The following SYNJ1 variants were observed in gnomAD, a reference collection of about 807,000 sequenced individuals.
The protein encoded by SYNJ1 is synaptojanin 1.
Under a neutral mutation model 168.2 loss-of-function variants are expected in SYNJ1, and 78 were observed. The ratio of observed to expected loss-of-function variants is 0.46; its 90% CI spans 0.39 to 0.56. The LOEUF is 0.56. Among genes scored for constraint, SYNJ1 ranks in the 20% least tolerant of loss-of-function variants. The probability of loss-of-function intolerance (pLI) is 0.00; values close to 1 mark genes in which losing one functional copy is unlikely to be tolerated. For synonymous variants in SYNJ1, 539 were observed against 548.6 expected (o/e 0.98, Z 0.24); for missense variants, 1,303 against 1,597.6 (o/e 0.82, Z 3.14).
At position 32,631,498 on chromosome 21, in the gene SYNJ1, T is replaced by C. The variant is rs758480958; in HGVS notation, c.*307A>G. 3 of 1,613,974 alleles carry C rather than the reference T, an allele frequency of 1.9e-6. No individual in the cohort carries two copies. Among genetic ancestry groups the C allele is most frequent in the African/African-American group, 2.7e-5 (2 of 74,930 alleles). ...TTTCCAGGAGCAGCAGTCCTGTCAC[T>C]GAAAGGATTTGTCCTGGTCAAGCCA... is the stretch of plus-strand genomic sequence containing the variant. On this transcript the variant is annotated 3_prime_UTR_variant, in exon 33 of 33. Coordinates refer to ENST00000674351, the MANE Select transcript of SYNJ1 (RefSeq NM_203446.3).
chr21:32,679,306 T>G (rs2041533743), intron 11 of SYNJ1, among the ~76,000 whole-genome samples: 1 of 152,130 alleles, frequency 6.6e-6, no homozygotes, highest in Non-Finnish European at 1.5e-5. Context: ...AAATTAAAAC[T>G]AAACCTAAGA....
At chr21:32,638,001 G>C (rs756832997) in intron 31 of SYNJ1, among the ~76,000 whole-genome samples, 5 of 152,174 alleles carry the variant, frequency 3.3e-5, no homozygotes, top group Non-Finnish European at 5.9e-5. Flanking sequence ...GTGTTAAAGG[G>C]ACATTGCCAA....
intron 2 of SYNJ1, among the ~76,000 whole-genome samples, chr21:32,718,814 ATTAATATG>A (rs1330530551): frequency 1.3e-5 from 2 of 152,210 alleles, no homozygotes; most frequent in African/African-American, 4.8e-5. Context: ...CCTCTAATAT[ATTAATATG>A]TTAATAGTTT....
rs1172549989 is a variant in SYNJ1 at position 32,629,313 on chromosome 21, T to G, written c.*2492A>C. 1 of 152,674 alleles carries G rather than the reference T, an allele frequency of 6.5e-6. No individual in the cohort carries two copies. Among genetic ancestry groups the G allele is most frequent in the Non-Finnish European group, 1.5e-5 (1 of 68,040 alleles). The allele number at this position is 152,674 out of a possible 1,614,324, so 9.5% of individuals were successfully genotyped here. On this transcript the variant is annotated 3_prime_UTR_variant, in exon 33 of 33. Coordinates refer to ENST00000674351, the MANE Select transcript of SYNJ1 (RefSeq NM_203446.3). ...ATTTTGAAGCAACTGCTTATAGTAA[T>G]ACTGCTGTTTAAGACGCTACTGCTG...
chr21:32,727,462 C>T (rs2043516089), intron 1 of SYNJ1, among the ~76,000 whole-genome samples: 1 of 152,186 alleles, frequency 6.6e-6, no homozygotes, highest in African/African-American at 2.4e-5. Context: ...CACAGGTTAC[C>T]GCCGCCTCTC....
At chr21:32,699,530 GGAGT>G in intron 4 of SYNJ1, among the ~76,000 whole-genome samples, 1 of 152,238 alleles carries the variant, frequency 6.6e-6, no homozygotes, top group East Asian at 1.9e-4. Context: ...GTTCGACCAC[GGAGT>G]GAGTACTGAG....
chr21:32,701,012 T>C (rs758580024), intron 3 of SYNJ1, among the ~76,000 whole-genome samples: 1 of 152,194 alleles, frequency 6.6e-6, no homozygotes, highest in Admixed American at 6.5e-5. Context: ...CTGACACAGG[T>C]AGAAGCGGCC....
chr21:32,671,824 G>A (rs760420451), intron 14 of SYNJ1, among the ~76,000 whole-genome samples: 3 of 152,056 alleles, frequency 2.0e-5, no homozygotes, highest in African/African-American at 7.2e-5. Context: ...TTGGGAAGCC[G>A]AGGCGGGTGG....
chr21:32,704,665 G>A (rs1488486297), intron 2 of SYNJ1, among the ~76,000 whole-genome samples: 3 of 152,170 alleles, frequency 2.0e-5, no homozygotes, highest in Non-Finnish European at 4.4e-5. Flanking sequence ...TGAGAGGGAT[G>A]GGAAAGGCAG....
chr21:32,718,312 AG>A (rs1249078861), intron 2 of SYNJ1, among the ~76,000 whole-genome samples: 1 of 152,222 alleles, frequency 6.6e-6, no homozygotes, highest in Non-Finnish European at 1.5e-5. Flanking sequence ...GTTTGACCCT[AG>A]GTCAATCCTA....
intron 31 of SYNJ1, among the ~76,000 whole-genome samples, chr21:32,636,965 C>T (rs2039594786): frequency 6.6e-6 from 1 of 151,992 alleles, no homozygotes; most frequent in Non-Finnish European, 1.5e-5. Flanking sequence ...AGCATGTGCC[C>T]GTCGGCCACC....
chr21:32,676,251 G>T, intron 13 of SYNJ1, 81 bp downstream of exon 13: 3 of 1,124,414 alleles, frequency 2.7e-6, no homozygotes, highest in South Asian at 3.4e-5. Flanking sequence ...CAATTATATG[G>T]CTTTATTTGT....
Position 32,646,484 on chromosome 21 carries a change from C to T in SYNJ1, c.3156G>A (p.Gln1052=). ...CAGGACCCTCTGATATTGTAGGTGACTGGCAGGGACTAGTTCGGGGTGAAG... is the reference window on the plus strand; with the variant it reads ...CAGGACCCTCTGATATTGTAGGTGATTGGCAGGGACTAGTTCGGGGTGAAG... ...PSSSPRTSPC[Q]SPTISEGPVP... The change falls in exon 24 of 33, where the codon CAG becomes CAA. Residue 1052 remains glutamine, a synonymous_variant. Transcript: ENST00000674351. 6.2e-7 allele frequency: 1 copy of T among 1,614,150 alleles called. No homozygotes were observed. The highest frequency in any genetic ancestry group is 8.5e-7 in the Non-Finnish European group (1 of 1,180,026).
chr21:32,688,377 G>A lies in SYNJ1; in HGVS notation c.790-10C>T. ...CACGATGAGATCCCACCTTAGACAA[G>A]AAAAATATATTTAATCAAACCAAAA... On this transcript the variant is annotated splice_polypyrimidine_tract_variant and intron_variant, in intron 6 of 32. Coordinates refer to ENST00000674351, the MANE Select transcript of SYNJ1 (RefSeq NM_203446.3). 1.2e-6 allele frequency: 2 copies of A among 1,610,240 alleles called. No homozygotes were observed. The highest frequency in any genetic ancestry group is 1.7e-6 in the Non-Finnish European group (2 of 1,178,500).
chr21:32,697,616 G>A (rs141221902), intron 4 of SYNJ1, among the ~76,000 whole-genome samples: 332 of 152,078 alleles, frequency 2.2e-3, no homozygotes, highest in African/African-American at 7.7e-3. Context: ...CCTGGCCAAC[G>A]TGGTGAAACC....
At chr21:32,681,976 T>C (rs1601405078) in intron 10 of SYNJ1, among the ~76,000 whole-genome samples, 1 of 151,866 alleles carries the variant, frequency 6.6e-6, no homozygotes, top group African/African-American at 2.4e-5. Flanking sequence ...TGCATTAGAA[T>C]AAAAAAAAGT....
chr21:32,685,181 CAA>C (rs553002012), intron 9 of SYNJ1, among the ~76,000 whole-genome samples: 32 of 57,664 alleles, frequency 5.5e-4, no homozygotes, highest in Middle Eastern at 0.013. Context: ...GACTCCGTCT[CAA>C]AAAAAAAAAA....
rs2039734534 is a variant in SYNJ1 at position 32,639,521 on chromosome 21, A to G, written c.3697+150T>C. 3.4e-5 allele frequency: 22 copies of G among 638,504 alleles called. No individual in the cohort carries two copies. In the South Asian group the frequency reaches 4.3e-4, roughly 12 times the overall value. 39.6% of individuals were successfully genotyped at this position (638,504 alleles called of 1,614,324 possible). ...ATCCTCCCACCTTAGCCGCCCGAGTAGCTGGGACCACAGGCATGTGCCATC... is the reference window on the plus strand; with the variant it reads ...ATCCTCCCACCTTAGCCGCCCGAGTGGCTGGGACCACAGGCATGTGCCATC... On this transcript the variant is annotated intron_variant, in intron 30 of 32. Transcript: ENST00000674351.
At chr21:32,677,667 C>T (rs2041464747) in intron 12 of SYNJ1, among the ~76,000 whole-genome samples, 1 of 152,124 alleles carries the variant, frequency 6.6e-6, no homozygotes, top group Admixed American at 6.6e-5. Flanking sequence ...TAAGATCAGA[C>T]ATTTTTTGGA....
Sources: gnomAD v4.1 joint callset for allele counts (sites outside exome capture counted in the v4.1 genomes callset) on GRCh38, gnomAD v4.1.1 for gene constraint, MANE v1.5 for transcripts, NCBI Gene and HGNC (gene_info 2026-07-23, HGNC 2026-07-21) for gene names.